CAMTA1: variants seen among roughly 807,000 people sequenced by gnomAD.
CAMTA1 encodes the protein calmodulin-binding transcription activator 1.
A neutral mutation model predicts 170.9 loss-of-function variants in CAMTA1; 27 were observed. That is an observed-to-expected ratio of 0.16 (90% CI 0.12 to 0.22). CAMTA1 has a LOEUF of 0.22. Among genes scored for constraint, CAMTA1 ranks in the 10% least tolerant of loss-of-function variants. The probability of loss-of-function intolerance (pLI) is 1.00; values close to 1 mark genes in which losing one functional copy is unlikely to be tolerated. For synonymous variants in CAMTA1, 833 were observed against 891.5 expected, an observed-to-expected ratio of 0.93 and a Z score of 1.17; for missense variants, 1,619 against 2,217.2, an observed-to-expected ratio of 0.73 and a Z score of 5.42.
At position 7,327,638 on chromosome 1, in the gene CAMTA1, AGGAATACTGCT is replaced by A. The variant is rs995212833; in HGVS notation, c.438+78016_438+78026del. 9.9e-5 allele frequency among the ~76,000 whole-genome samples: 15 copies of A among 152,186 alleles called. 1 individual carries two copies. The highest frequency in any genetic ancestry group is 3.6e-4 in the African/African-American group (15 of 41,444). On this transcript the variant is annotated intron_variant, in intron 5 of 22. Coordinates refer to ENST00000303635, the MANE Select transcript of CAMTA1 (RefSeq NM_015215.4). ...TTGATAATATTAGGATACAGCAGGC[AGGAATACTGCT>A]GGAGGAATGTCCTTGATTAGGTAAG...
intron 4 of CAMTA1, among the ~76,000 whole-genome samples, chr1:7,179,904 T>C (rs74224540): frequency 8.7e-4 from 133 of 152,176 alleles, no homozygotes; most frequent in East Asian, 6.4e-3. Context: ...AATAGTAAGA[T>C]AGAGAATGAA....
chr1:7,618,206 T>C (rs1306085417), intron 6 of CAMTA1, among the ~76,000 whole-genome samples: 1 of 152,198 alleles, frequency 6.6e-6, no homozygotes, highest in African/African-American at 2.4e-5. Flanking sequence ...CTCTCTCTTC[T>C]TCCATCTCCA....
intron 7 of CAMTA1, among the ~76,000 whole-genome samples, chr1:7,646,629 CAGAGGCCCTGGTGAGGT>C (rs1323255037): frequency 1.5e-5 from 2 of 133,306 alleles, no homozygotes; most frequent in Non-Finnish European, 3.2e-5. Flanking sequence ...TGAGTGTGAG[CAGAGGCCCTGGTGAGGT>C]AGAGGCCCTG....
At chr1:7,647,773 A>G (rs1229406088) in intron 7 of CAMTA1, among the ~76,000 whole-genome samples, 1 of 152,218 alleles carries the variant, frequency 6.6e-6, no homozygotes, top group East Asian at 1.9e-4. Flanking sequence ...GCCAGAGCCC[A>G]TCGAGGAAGG....
chr1:7,665,241 A>G lies in CAMTA1; in HGVS notation c.2652+42A>G. 2 of 1,406,046 alleles carry G rather than the reference A, an allele frequency of 1.4e-6. No homozygotes were observed. The highest frequency in any genetic ancestry group is 9.3e-7 in the Non-Finnish European group (1 of 1,080,772). The allele number at this position is 1,406,046 out of a possible 1,614,324, so 87.1% of individuals were successfully genotyped here. A position where few individuals can be genotyped will look rare whatever the true frequency, so the allele number is the denominator to read the frequency against. ...GCCACCACCTGTCACCTCCCCTCCC[A>G]CCCACCTCGCCAGCCCCTGCGCCAC... On this transcript the variant is annotated intron_variant, in intron 9 of 22. Coordinates refer to ENST00000303635, the MANE Select transcript of CAMTA1 (RefSeq NM_015215.4). The surrounding 1 kb of genome is among the most constrained non-coding windows in gnomAD (Gnocchi z 4.3).
At chr1:7,521,760 G>T (rs2094368348) in intron 6 of CAMTA1, among the ~76,000 whole-genome samples, 1 of 152,134 alleles carries the variant, frequency 6.6e-6, no homozygotes, top group African/African-American at 2.4e-5. Context: ...TGTTGGCCAG[G>T]CTGGTCTTGA....
In CAMTA1 at chr1:7,293,730, TTGGGGTTCCCC is replaced by T. The variant is rs1450477469; in HGVS notation, c.438+44110_438+44120del. 6.6e-6 allele frequency among the ~76,000 whole-genome samples: 1 copy of T among 152,178 alleles called. No homozygotes were observed. Among genetic ancestry groups the T allele is most frequent in the South Asian group, 2.1e-4 (1 of 4,834 alleles). On this transcript the variant is annotated intron_variant, in intron 5 of 22. Coordinates refer to ENST00000303635, the MANE Select transcript of CAMTA1 (RefSeq NM_015215.4). This position sits in a 1 kb window ranked among gnomAD's most constrained non-coding sequence, Gnocchi z 4.1. ...TATCCCAGCTTAATGCTTCAAGTTA[TTGGGGTTCCCC>T]TGGGGAGCATCTTCTTGGTTCTTGT...
chr1:7,752,603 C>T (rs1159755084), intron 21 of CAMTA1, 70 bp downstream of exon 21: 1 of 1,190,448 alleles, frequency 8.4e-7, no homozygotes, highest in East Asian at 2.4e-5. Context: ...TCTTAACCCT[C>T]ACTAACTCCT....
At chr1:7,718,261 C>T (rs949383277) in intron 11 of CAMTA1, among the ~76,000 whole-genome samples, 2 of 152,214 alleles carry the variant, frequency 1.3e-5, no homozygotes, top group Non-Finnish European at 1.5e-5. Context: ...GTGGGCGTTC[C>T]GTAAACATTT....
rs113421814 is a variant in CAMTA1 at position 6,973,765 on chromosome 1, G to A, written c.235-117539G>A. Among the ~76,000 whole-genome samples, 583 of 152,274 alleles carry A rather than the reference G, an allele frequency of 3.8e-3. 6 individuals carry two copies. The highest frequency in any genetic ancestry group is 0.012 in the African/African-American group (506 of 41,556). ...TAAAGACTCAGCCCTCACCTGGACC[G>A]TGGCATTCTTGGTCCCATGGCTGTT... On this transcript the variant is annotated intron_variant, in intron 3 of 22. Coordinates refer to ENST00000303635, the MANE Select transcript of CAMTA1 (RefSeq NM_015215.4).
At chr1:7,260,438 A>G (rs1176397752) in intron 5 of CAMTA1, among the ~76,000 whole-genome samples, 1 of 152,230 alleles carries the variant, frequency 6.6e-6, no homozygotes, top group Non-Finnish European at 1.5e-5. Flanking sequence ...ACATTAGGCA[A>G]TGTCTCTTGC....
rs6577455 is a variant in CAMTA1, at chr1:7,756,582, C to T, written c.4989+914C>T. Among the ~76,000 whole-genome samples the T allele has an allele frequency of 8.9e-3, 1,348 of 152,244 alleles. 20 individuals are homozygous for T. Among genetic ancestry groups the T allele is most frequent in the African/African-American group, 0.031 (1,271 of 41,534 alleles). ...GCCAGGAATAGGCCAGGTACGATGG[C>T]TCATGCCTATAATCCCAGTGCTTTG... is the stretch of plus-strand genomic sequence containing the variant. On this transcript the variant is annotated intron_variant, in intron 22 of 22. Coordinates refer to ENST00000303635, the MANE Select transcript of CAMTA1 (RefSeq NM_015215.4).
chr1:7,632,695 T>C (rs6665806), intron 6 of CAMTA1, among the ~76,000 whole-genome samples: 38,003 of 152,238 alleles, frequency 0.25, 7,245 homozygotes, highest in African/African-American at 0.54. Context: ...CCCTGCTGCC[T>C]GACACCCATT....
At chr1:7,599,478 A>G (rs533010032) in intron 6 of CAMTA1, among the ~76,000 whole-genome samples, 11 of 152,324 alleles carry the variant, frequency 7.2e-5, no homozygotes. Flanking sequence ...TCTGTGAAGA[A>G]AGTCATTGGT....
At chr1:7,523,883 G>A (rs2094398174) in intron 6 of CAMTA1, among the ~76,000 whole-genome samples, 3 of 125,010 alleles carry the variant, frequency 2.4e-5, no homozygotes, top group Non-Finnish European at 5.0e-5. Context: ...ACTCTATCTC[G>A]AAAAAAAAAA....
At chr1:7,358,714 G>T (rs1480869229) in intron 5 of CAMTA1, among the ~76,000 whole-genome samples, 1 of 152,184 alleles carries the variant, frequency 6.6e-6, no homozygotes, top group Non-Finnish European at 1.5e-5. Flanking sequence ...GCCTTTTCTT[G>T]TGTGAGCCAG....
At chr1:6,829,007 G>C (rs936412580) in intron 3 of CAMTA1, among the ~76,000 whole-genome samples, 1 of 144,828 alleles carries the variant, frequency 6.9e-6, no homozygotes, top group African/African-American at 2.6e-5. Flanking sequence ...AGTGATTCTT[G>C]TGCTTTAGCC....
intron 4 of CAMTA1, among the ~76,000 whole-genome samples, chr1:7,225,368 G>A (rs560123064): frequency 2.6e-5 from 4 of 152,316 alleles, no homozygotes; most frequent in African/African-American, 9.6e-5. Context: ...ACAGGCGTGA[G>A]CCACCGTGCC....
intron 4 of CAMTA1, among the ~76,000 whole-genome samples, chr1:7,229,741 A>C (rs1307703773): frequency 6.6e-6 from 1 of 152,058 alleles, no homozygotes; most frequent in East Asian, 1.9e-4. Flanking sequence ...AGCGTCCTTC[A>C]TGAAGAACTC....
Sources: gnomAD v4.1 joint callset for allele counts (sites outside exome capture counted in the v4.1 genomes callset) on GRCh38, gnomAD v4.1.1 for gene constraint, Gnocchi (gnomAD v3.1) non-coding constraint, MANE v1.5 for transcripts, NCBI Gene and HGNC (gene_info 2026-07-23, HGNC 2026-07-21) for gene names.